PRKCE: variants seen among roughly 807,000 people sequenced by gnomAD.
PRKCE encodes protein kinase C epsilon type.
In PRKCE, 16 loss-of-function variants were observed where a neutral mutation model predicts 85.4. That is an observed-to-expected ratio of 0.19 (90% CI 0.13 to 0.28). The LOEUF (loss-of-function observed/expected upper bound fraction) is 0.28, where lower values mean the gene tolerates loss of function less well. Ranked by LOEUF, PRKCE falls within the 10% of genes least tolerant of loss-of-function variation. The pLI is 1.00. For missense variants in PRKCE, 573 were observed against 975.2 expected, an observed-to-expected ratio of 0.59 and a Z score of 5.49; for synonymous variants, 388 against 371.5, an observed-to-expected ratio of 1.04 and a Z score of -0.51.
intron 1 of PRKCE, chr2:45,675,285 A>G (rs764411542): frequency 6.6e-6 from 1 of 152,306 alleles, no homozygotes; most frequent in Admixed American, 6.5e-5. Flanking sequence ...ACCTTAGCCC[A>G]GGCCTTCAGC....
intron 2 of PRKCE, among the ~76,000 whole-genome samples, chr2:45,904,365 C>T (rs1463271086): frequency 6.6e-6 from 1 of 151,974 alleles, no homozygotes; most frequent in Non-Finnish European, 1.5e-5. Context: ...GTGGCACGTG[C>T]CCATCCAGGG....
Position 46,010,332 on chromosome 2 carries a change from G to T in PRKCE, c.1264-12G>T. The T allele has an allele frequency of 6.3e-7, 1 of 1,581,826 alleles. No individual in the cohort carries two copies. The highest frequency in any genetic ancestry group is 1.1e-5 in the South Asian group (1 of 89,068). ...CATGCATAGATTGATGGAGGCAATT[G>T]ATTGATTGCAGGTCATGTTGGCAGA... On this transcript the variant is annotated splice_polypyrimidine_tract_variant and intron_variant, in intron 9 of 14. Coordinates refer to ENST00000306156, the MANE Select transcript of PRKCE (RefSeq NM_005400.3).
chr2:45,672,174 G>C (rs1676201356), intron 1 of PRKCE, among the ~76,000 whole-genome samples: 1 of 151,668 alleles, frequency 6.6e-6, no homozygotes, highest in Non-Finnish European at 1.5e-5. Flanking sequence ...GCTATATCAT[G>C]CTGCATCCAG....
chr2:46,151,098 A>T lies in PRKCE; in HGVS notation c.1789A>T (p.Met597Leu). The T allele has an allele frequency of 6.3e-7, 1 of 1,599,436 alleles. No individual in the cohort carries two copies. The highest frequency in any genetic ancestry group is 8.5e-7 in the Non-Finnish European group (1 of 1,179,860). Residue 597 changes from methionine to leucine, a missense_variant, in exon 13 of 15, where the codon ATG (methionine) becomes TTG (leucine). Transcript: ENST00000306156. ...GGACTGGTGGGCCCTGGGGGTGCTG[A>T]TGTACGAGATGATGGCTGGACAGCC... The part of the protein sequence containing the change: ...SVDWWALGVL[M>L]YEMMAGQPPF...
At chr2:45,685,919 A>T (rs889196009) in intron 1 of PRKCE, among the ~76,000 whole-genome samples, 1 of 152,228 alleles carries the variant, frequency 6.6e-6, no homozygotes, top group Non-Finnish European at 1.5e-5. Flanking sequence ...AACCCTGACT[A>T]TTCAGTAGTC....
chr2:46,026,115 T>G lies in PRKCE; in HGVS notation c.1437+15598T>G, dbSNP rs372536258. ...GTTAATTTTCAAATCTTGAAGACAC[T>G]ATTGAGCATGAAATGCAGATATTCA... is the stretch of plus-strand genomic sequence containing the variant. On this transcript the variant is annotated intron_variant, in intron 10 of 14. Transcript: ENST00000306156. Among the ~76,000 whole-genome samples, 8 of 152,338 alleles carry G rather than the reference T, an allele frequency of 5.3e-5. No homozygotes were observed. The South Asian group carries it at 1.7e-3, about 32-fold the overall frequency.
chr2:45,787,615 G>C (rs1302774371), intron 1 of PRKCE, among the ~76,000 whole-genome samples: 3 of 152,258 alleles, frequency 2.0e-5, no homozygotes, highest in Non-Finnish European at 2.9e-5. Context: ...TCAACCAGGG[G>C]TATCCCATTT....
At chr2:45,912,376 C>G (rs1697445892) in intron 2 of PRKCE, among the ~76,000 whole-genome samples, 1 of 152,046 alleles carries the variant, frequency 6.6e-6, no homozygotes, top group Non-Finnish European at 1.5e-5. Context: ...GCTCCAGGTA[C>G]AAGGAGGGTG....
chr2:45,943,351 T>C (rs1248437594), intron 2 of PRKCE, among the ~76,000 whole-genome samples: 1 of 152,210 alleles, frequency 6.6e-6, no homozygotes, highest in Non-Finnish European at 1.5e-5. Flanking sequence ...CACATAGGAG[T>C]TGCACGTGGG....
chr2:46,063,755 T>A (rs994146401), intron 10 of PRKCE, among the ~76,000 whole-genome samples: 2 of 152,132 alleles, frequency 1.3e-5, no homozygotes, highest in African/African-American at 4.8e-5. Context: ...GGGGTAAAAA[T>A]CCTTACCAGC....
rs910408333 is a variant in PRKCE, at chr2:45,907,620, G to A, written c.412+64557G>A. On this transcript the variant is annotated intron_variant, in intron 2 of 14. Transcript: ENST00000306156. The surrounding 1 kb of genome is among the most constrained non-coding windows in gnomAD (Gnocchi z 4.5). ...TGTCATTTTCCCAGTGCCAATCATC[G>A]TGGTCCGCATTCTATGGACTGTTCT... Among the ~76,000 whole-genome samples, 7 of 152,172 alleles carry A rather than the reference G, an allele frequency of 4.6e-5. No individual in the cohort carries two copies. The South Asian group carries it at 8.3e-4, about 18-fold the overall frequency.
chr2:45,838,506 C>T (rs866537446), intron 1 of PRKCE, among the ~76,000 whole-genome samples: 3 of 152,166 alleles, frequency 2.0e-5, no homozygotes, highest in Admixed American at 1.3e-4. Context: ...GAGTACCACA[C>T]GTCCTCCCGA....
intron 2 of PRKCE, among the ~76,000 whole-genome samples, chr2:45,898,457 A>G (rs1696319408): frequency 6.6e-6 from 1 of 152,218 alleles, no homozygotes; most frequent in Admixed American, 6.5e-5. Context: ...CTTGGATAAC[A>G]CTTAAGGAAC....
At chr2:45,913,175 C>T (rs1169015476) in intron 2 of PRKCE, among the ~76,000 whole-genome samples, 1 of 152,184 alleles carries the variant, frequency 6.6e-6, no homozygotes, top group African/African-American at 2.4e-5. Context: ...GAGACAGGGT[C>T]TCGCTTTGTT....
intron 14 of PRKCE, among the ~76,000 whole-genome samples, chr2:46,162,140 G>T (rs1007671799): frequency 6.6e-6 from 1 of 152,142 alleles, no homozygotes; most frequent in African/African-American, 2.4e-5. Context: ...CTGTGGGCAG[G>T]GGTATGAGGG....
chr2:46,055,965 T>C lies in PRKCE; in HGVS notation c.1438-30243T>C, dbSNP rs535443855. Reference sequence around the variant, plus strand: ...GGTGTGAGTCATAGCGCCCGGCCAGTAAGTCTAATTTTTGCATGCCAACCC... The same window carrying C: ...GGTGTGAGTCATAGCGCCCGGCCAGCAAGTCTAATTTTTGCATGCCAACCC... On this transcript the variant is annotated intron_variant, in intron 10 of 14. Coordinates refer to ENST00000306156, the MANE Select transcript of PRKCE (RefSeq NM_005400.3). Among the ~76,000 whole-genome samples the C allele has an allele frequency of 2.6e-5, 4 of 152,292 alleles. No individual in the cohort carries two copies. In the South Asian group the frequency reaches 8.3e-4, roughly 32 times the overall value.
chr2:45,925,445 A>G (rs1292609619), intron 2 of PRKCE, among the ~76,000 whole-genome samples: 2 of 151,948 alleles, frequency 1.3e-5, no homozygotes, highest in African/African-American at 4.8e-5. Context: ...TACAGGCACC[A>G]CCACCACGCC....
At chr2:45,871,895 C>T (rs530859451) in intron 2 of PRKCE, among the ~76,000 whole-genome samples, 1 of 152,260 alleles carries the variant, frequency 6.6e-6, no homozygotes, top group South Asian at 2.1e-4. Flanking sequence ...AGAAAGGAGG[C>T]AACCTGAGGA....
At chr2:45,789,523 A>C (rs116114995) in intron 1 of PRKCE, among the ~76,000 whole-genome samples, 3 of 152,156 alleles carry the variant, frequency 2.0e-5, no homozygotes, top group Admixed American at 2.0e-4. Flanking sequence ...CTAGCTACTC[A>C]GGAAGCTGAG....
Sources: allele counts gnomAD v4.1 joint callset (sites outside exome capture counted in the v4.1 genomes callset), GRCh38; gene constraint gnomAD v4.1.1; non-coding constraint Gnocchi (gnomAD v3.1); transcripts MANE v1.5; gene names NCBI Gene and HGNC (gene_info 2026-07-23, HGNC 2026-07-21).